Variants in TRMT2B observed in about 807,000 individuals in gnomAD.
The protein encoded by TRMT2B is tRNA methyltransferase 2B.
TRMT2B carries 34 observed loss-of-function variants against 39.7 expected under a neutral mutation model. The observed-to-expected ratio is 0.86, with a 90% CI of 0.65 to 1.14. The LOEUF (loss-of-function observed/expected upper bound fraction) is 1.14, where lower values mean the gene tolerates loss of function less well. Ranked by LOEUF, TRMT2B falls within the 50% of genes most tolerant of loss-of-function variation. The pLI, the probability that TRMT2B is intolerant of heterozygous loss-of-function variation, is 0.00. For synonymous variants in TRMT2B, 132 were observed against 137.3 expected (o/e 0.96, Z 0.27); for missense variants, 318 against 377.2 (o/e 0.84, Z 1.30).
At chrX:100,990,647 G>C in the TRMT2B span, 9 of 1,064,876 alleles carry the variant, frequency 8.5e-6, no homozygotes, top group Admixed American at 2.7e-5. Context: ...TGGTAAAAAA[G>C]AACAGAGACT....
chrX:101,008,664 T>G (rs1244992849), downstream of TRMT2B, among the ~76,000 whole-genome samples: 1 of 111,758 alleles, frequency 8.9e-6, no homozygotes, highest in Non-Finnish European at 1.9e-5. Context: ...CTGCTCCTCC[T>G]TGGGCTAGAT....
chrX:101,001,357 T>TC, the TRMT2B span, among the ~76,000 whole-genome samples: 3 of 110,612 alleles, frequency 2.7e-5, no homozygotes, highest in Non-Finnish European at 1.9e-5. Context: ...CGCCTCATCC[T>TC]CCTCAGTAGC....
chrX:100,988,309 T>G, the TRMT2B span: 4 of 1,201,977 alleles, frequency 3.3e-6, no homozygotes, highest in African/African-American at 5.3e-5. Context: ...AATGTTAATA[T>G]TCAGTGACCA....
chrX:101,041,409 A>G (rs777585232), intron 3 of TRMT2B, 38 bp from the exon 4 acceptor site: 1 of 1,130,507 alleles, frequency 8.8e-7, no homozygotes, highest in African/African-American at 1.8e-5. Flanking sequence ...TTAATTATAT[A>G]AATATGTACT....
the TRMT2B span, among the ~76,000 whole-genome samples, chrX:100,994,349 G>GTTTAGAA: frequency 8.9e-6 from 1 of 111,825 alleles, no homozygotes; most frequent in Non-Finnish European, 1.9e-5. Context: ...TCTCCAAGAT[G>GTTTAGAA]TTTAGAATGT....
chrX:100,980,872 G>T, the TRMT2B span, among the ~76,000 whole-genome samples: 2 of 111,751 alleles, frequency 1.8e-5, no homozygotes, highest in African/African-American at 3.3e-5. Flanking sequence ...GCCCAGGATG[G>T]GTCTAGAAAT....
At chrX:100,990,062 T>C in the TRMT2B span, among the ~76,000 whole-genome samples, 4 of 112,894 alleles carry the variant, frequency 3.5e-5, no homozygotes, top group African/African-American at 1.3e-4. Flanking sequence ...AATGGATACC[T>C]GGGACACAGA....
chrX:101,021,869 T>C, intron 9 of TRMT2B, 99 bp downstream of exon 9: 2 of 626,611 alleles, frequency 3.2e-6, no homozygotes, highest in South Asian at 2.4e-5. Flanking sequence ...CAGAACCATT[T>C]AGCCAATATC....
Position 101,037,923 on chromosome X carries a change from T to C in TRMT2B, c.432A>G (p.Ile144Met), listed in dbSNP as rs200592831. Residue 144 changes from isoleucine (I) to methionine (M), a missense_variant, in exon 5 of 14, where the codon ATA (isoleucine) becomes ATG (methionine). By Grantham distance (10) the Ile-to-Met change is conservative (BLOSUM62 1). Transcript: ENST00000372936. ...ERLSCLLHPI[I>M]PSPVINGYRN... The stretch of plus-strand genomic sequence containing the variant: ...TAGGGAGGTGGGGGCTTACAGAGGG[T>C]ATAATAGGATGGAGAAGACAAGAGA... 3.3e-6 allele frequency: 4 copies of C among 1,207,017 alleles called. No homozygotes were observed. In the African/African-American group the frequency reaches 5.3e-5, roughly 16 times the overall value.
intron 2 of TRMT2B, among the ~76,000 whole-genome samples, chrX:101,044,906 T>C (rs1198406403): frequency 2.9e-5 from 3 of 105,003 alleles, no homozygotes; most frequent in Non-Finnish European, 5.8e-5. Context: ...GGCAAGTACC[T>C]GCAACCCCAG....
At chrX:100,991,915 C>T in the TRMT2B span, among the ~76,000 whole-genome samples, 2 of 84,139 alleles carry the variant, frequency 2.4e-5, no homozygotes, top group African/African-American at 4.3e-5. Flanking sequence ...CAGGAAAGTG[C>T]GGGGCGGTGG....
chrX:101,023,567 A>T lies in TRMT2B; in HGVS notation c.659T>A (p.Phe220Tyr). Residue 220 changes from phenylalanine (F) to tyrosine (Y), a missense_variant, in exon 8 of 14, where the codon TTT becomes TAT. Phe to Tyr is a conservative substitution (Grantham distance 22, BLOSUM62 3). Transcript: ENST00000372936. ...RQSPLEPCLV[F>Y]HEGGYWRELT... ...CTCACGCCAGTATCCACCTTCATGAAATACAAGGCAGGGCTCCAATGGAGA... is the reference window on the plus strand; with the variant it reads ...CTCACGCCAGTATCCACCTTCATGATATACAAGGCAGGGCTCCAATGGAGA... 8.3e-7 allele frequency: 1 copy of T among 1,210,338 alleles called. No individual in the cohort carries two copies. Among genetic ancestry groups the T allele is most frequent in the Non-Finnish European group, 1.1e-6 (1 of 894,456 alleles).
rs762338169 is a variant in TRMT2B, at chrX:101,046,875, G to A, written c.-24+4376C>T. Among the ~76,000 whole-genome samples, 8 of 110,907 alleles carry A rather than the reference G, an allele frequency of 7.2e-5. No individual in the cohort carries two copies. In the South Asian group the frequency reaches 2.7e-3, roughly 37 times the overall value. On this transcript the variant is annotated intron_variant, in intron 2 of 13. Transcript: ENST00000372936. ...CGGGAGGTGGAGGTTGCGGTGAGCCGAGATCACGCCATTGCACTCCAGCCT... is the reference window on the plus strand; with the variant it reads ...CGGGAGGTGGAGGTTGCGGTGAGCCAAGATCACGCCATTGCACTCCAGCCT...
chrX:101,046,657 T>A (rs1301445425), intron 2 of TRMT2B, among the ~76,000 whole-genome samples: 4 of 112,252 alleles, frequency 3.6e-5, no homozygotes, highest in Non-Finnish European at 7.5e-5. Flanking sequence ...CTGGTCACAG[T>A]GGCTCACACC....
At chrX:101,044,058 A>G (rs984023579) in intron 2 of TRMT2B, among the ~76,000 whole-genome samples, 1 of 110,203 alleles carries the variant, frequency 9.1e-6, no homozygotes, top group Non-Finnish European at 1.9e-5. Flanking sequence ...ACTGGCCAAT[A>G]TGGTGAAACC....
intron 13 of TRMT2B, among the ~76,000 whole-genome samples, chrX:101,017,482 A>T (rs761022003): frequency 8.9e-6 from 1 of 112,147 alleles, no homozygotes; most frequent in South Asian, 3.6e-4. Flanking sequence ...TGATTACATA[A>T]TTTTTAATTC....
chrX:100,980,293 G>T, the TRMT2B span, among the ~76,000 whole-genome samples: 1 of 109,814 alleles, frequency 9.1e-6, no homozygotes, highest in Non-Finnish European at 1.9e-5. Context: ...TACTGGGGCT[G>T]AGCAAGTACC....
chrX:101,012,632 A>C (rs1009189631), intron 13 of TRMT2B, among the ~76,000 whole-genome samples: 2 of 109,956 alleles, frequency 1.8e-5, no homozygotes, highest in Non-Finnish European at 3.8e-5. Context: ...GCTGCTATAA[A>C]GACACATGCA....
At chrX:100,974,522 A>C in the TRMT2B span, among the ~76,000 whole-genome samples, 1 of 111,250 alleles carries the variant, frequency 9.0e-6, no homozygotes, top group Non-Finnish European at 1.9e-5. Context: ...TACGTAAAGC[A>C]TTGCAGTCAA....
Sources: allele counts gnomAD v4.1 joint callset (sites outside exome capture counted in the v4.1 genomes callset), GRCh38; gene constraint gnomAD v4.1.1; transcripts MANE v1.5; gene names NCBI Gene and HGNC (gene_info 2026-07-23, HGNC 2026-07-21).